CD5: variants seen among roughly 807,000 people sequenced by gnomAD.
The protein encoded by CD5 is CD5 molecule, also known as T-cell surface glycoprotein CD5.
A neutral mutation model predicts 60.3 loss-of-function variants in CD5; 36 were observed. The ratio of observed to expected loss-of-function variants is 0.60; its 90% CI spans 0.46 to 0.79. The LOEUF (loss-of-function observed/expected upper bound fraction) is 0.79. Ranked by LOEUF, CD5 falls within the 30% of genes least tolerant of loss-of-function variation. CD5 has a pLI of 0.00. For synonymous variants in CD5, 230 were observed against 257.6 expected (o/e 0.89, Z 1.03); for missense variants, 540 against 630.6 (o/e 0.86, Z 1.54).
At chr11:61,100,799 TCA>T (rs1388348576), upstream of CD5, among the ~76,000 whole-genome samples, 59 of 77,034 alleles carry the variant, frequency 7.7e-4, 1 homozygote, top group African/African-American at 2.9e-3. Context: ...AACATGGAGA[TCA>T]CACACACACA....
chr11:61,111,195 G>A (rs778168877), intron 1 of CD5, among the ~76,000 whole-genome samples: 4 of 152,118 alleles, frequency 2.6e-5, no homozygotes, highest in Non-Finnish European at 4.4e-5. Context: ...CTGCACGAGC[G>A]CTTCCAGGTC....
At position 61,124,972 on chromosome 11, in the gene CD5, T is replaced by C. The variant is rs202236597; in HGVS notation, c.1280-60T>C. The C allele has an allele frequency of 1.4e-5, 23 of 1,609,056 alleles. No homozygotes were observed. In the Middle Eastern group the frequency reaches 4.9e-4, roughly 35 times the overall value. On this transcript the variant is annotated intron_variant, in intron 8 of 10. Transcript: ENST00000347785. Reference sequence around the variant, plus strand: ...GGAGATTAAAGTTCTGGGCACCTGCTGGGGAAGGAGACGGAGGACACAGCC... The same window carrying C: ...GGAGATTAAAGTTCTGGGCACCTGCCGGGGAAGGAGACGGAGGACACAGCC...
At chr11:61,110,143 T>C (rs961282117) in intron 1 of CD5, among the ~76,000 whole-genome samples, 8 of 151,772 alleles carry the variant, frequency 5.3e-5, no homozygotes, top group Non-Finnish European at 8.8e-5. Flanking sequence ...AACTAAAAAA[T>C]AGAAATAGGT....
At chr11:61,099,235 A>C (rs143660427), upstream of CD5, among the ~76,000 whole-genome samples, 154 of 152,232 alleles carry the variant, frequency 1.0e-3, 1 homozygote, top group African/African-American at 3.4e-3. Flanking sequence ...GATCACACAC[A>C]TCAACATGGA....
intron 1 of CD5, among the ~76,000 whole-genome samples, chr11:61,114,287 A>T: frequency 6.6e-6 from 1 of 151,668 alleles, no homozygotes. Context: ...TCTCTATTCT[A>T]CTCCATTTCA....
intron 1 of CD5, among the ~76,000 whole-genome samples, chr11:61,112,255 G>T (rs1177765524): frequency 6.6e-6 from 1 of 152,168 alleles, no homozygotes; most frequent in Non-Finnish European, 1.5e-5. Context: ...AGGAGTGAGA[G>T]GTGAGGGCAG....
chr11:61,119,253 G>A lies in CD5; in HGVS notation c.483G>A (p.Leu161=). The change falls in exon 5 of 11, where the codon CTG becomes CTA. Residue 161 remains leucine, a synonymous_variant. Transcript: ENST00000347785. ...PEPTAPPRLQ[L]VAQSGGQHCA... ...TCCTAGCTCCTCCCAGGCTGCAGCT[G>A]GTGGCACAGTCTGGCGGCCAGCACT... 6.2e-7 allele frequency: 1 copy of A among 1,606,566 alleles called. No individual in the cohort carries two copies. Among genetic ancestry groups the A allele is most frequent in the Non-Finnish European group, 8.5e-7 (1 of 1,175,770 alleles).
At position 61,119,444 on chromosome 11, in the gene CD5, G is replaced by T. The variant is rs752604676; in HGVS notation, c.674G>T (p.Gly225Val). 7 of 1,614,090 alleles carry T rather than the reference G, an allele frequency of 4.3e-6. No homozygotes were observed. The highest frequency in any genetic ancestry group is 3.4e-6 in the Non-Finnish European group (4 of 1,180,046). The change falls in exon 5 of 11, where the codon GGG becomes GTG. Residue 225 changes from glycine to valine, a missense_variant. Coordinates refer to ENST00000347785, the MANE Select transcript of CD5 (RefSeq NM_014207.4). ...GAGGCAGGCAGAGCCCAAGACCCAG[G>T]GGAGCCACGGGAACACCAGCCCTTG... is the stretch of plus-strand genomic sequence containing the variant. ...ETEAGRAQDPGEPREHQPLPI... is the reference protein window; with the variant it reads ...ETEAGRAQDPVEPREHQPLPI...
chr11:61,115,335 T>C (rs1413595287), intron 2 of CD5, among the ~76,000 whole-genome samples: 1 of 152,102 alleles, frequency 6.6e-6, no homozygotes, highest in Non-Finnish European at 1.5e-5. Context: ...CCAGATCTCA[T>C]GATAATTATT....
intron 1 of CD5, among the ~76,000 whole-genome samples, chr11:61,114,215 G>A (rs1306001774): frequency 1.3e-5 from 2 of 151,992 alleles, no homozygotes; most frequent in Non-Finnish European, 2.9e-5. Context: ...GGGCTCAAGC[G>A]GTCCTCCCAC....
chr11:61,115,358 C>T (rs1399139647), intron 2 of CD5, among the ~76,000 whole-genome samples: 1 of 152,182 alleles, frequency 6.6e-6, no homozygotes, highest in Non-Finnish European at 1.5e-5. Flanking sequence ...GACCCGCTCA[C>T]CATGCACAGA....
chr11:61,113,205 A>G (rs1860884146), intron 1 of CD5, among the ~76,000 whole-genome samples: 1 of 152,250 alleles, frequency 6.6e-6, no homozygotes, highest in African/African-American at 2.4e-5. Flanking sequence ...AGTCGGACAG[A>G]TGGAAATCAA....
chr11:61,112,500 C>T (rs1319548130), intron 1 of CD5, among the ~76,000 whole-genome samples: 3 of 152,030 alleles, frequency 2.0e-5, no homozygotes, highest in Non-Finnish European at 4.4e-5. Context: ...AAAAATTAGT[C>T]GGGCGTGGTG....
intron 8 of CD5, 66 bp from the exon 9 acceptor site, chr11:61,124,966 A>C (rs1175033861): frequency 6.2e-7 from 1 of 1,604,948 alleles, no homozygotes; most frequent in Non-Finnish European, 8.5e-7. Context: ...AGTTCTGGGC[A>C]CCTGCTGGGG....
intron 1 of CD5, among the ~76,000 whole-genome samples, chr11:61,111,771 C>T (rs985843055): frequency 5.3e-5 from 8 of 152,208 alleles, no homozygotes; most frequent in African/African-American, 1.7e-4. Flanking sequence ...GAAAGCTCCC[C>T]GAGGGTCTGC....
chr11:61,098,647 C>G (rs760091320), upstream of CD5, among the ~76,000 whole-genome samples: 4 of 152,156 alleles, frequency 2.6e-5, no homozygotes, highest in Admixed American at 2.0e-4. Flanking sequence ...TCATGTACCC[C>G]CTGCTTGCTC....
rs1861126768 is a variant in CD5, at chr11:61,125,082, C to T, written c.1330C>T (p.Pro444Ser). ...TATVRSHAEN[P>S]TASHVDNEYS... ...AACCGTCCGATCCCATGCTGAGAACCCCACAGCCTCCCACGTGGATAACGA... is the reference window on the plus strand; with the variant it reads ...AACCGTCCGATCCCATGCTGAGAACTCCACAGCCTCCCACGTGGATAACGA... The change falls in exon 9 of 11, where the codon CCC becomes TCC. Residue 444 changes from proline (P) to serine (S), a missense_variant. Pro to Ser is a moderately conservative substitution (Grantham distance 74, BLOSUM62 -1). Coordinates refer to ENST00000347785, the MANE Select transcript of CD5 (RefSeq NM_014207.4). The T allele has an allele frequency of 6.2e-6, 10 of 1,613,848 alleles. No homozygotes were observed. Among genetic ancestry groups the T allele is most frequent in the Non-Finnish European group, 8.5e-6 (10 of 1,179,848 alleles).
Position 61,118,151 on chromosome 11 carries a change from C to CCA in CD5, c.95-22_95-21dup. On this transcript the variant is annotated intron_variant, in intron 2 of 10. Transcript: ENST00000347785. This position sits in a 1 kb window ranked among gnomAD's most constrained non-coding sequence, Gnocchi z 4.7. ...TGGGGAACCCCTCCCAGCCTGACCC[C>CCA]CACCACACCTTTCTGACCCCCAGAT... 3.1e-6 allele frequency: 5 copies of CCA among 1,606,818 alleles called. No individual in the cohort carries two copies. Among genetic ancestry groups the CCA allele is most frequent in the Non-Finnish European group, 4.3e-6 (5 of 1,175,550 alleles).
chr11:61,121,755 G>A lies in CD5; in HGVS notation c.950G>A (p.Arg317Gln), dbSNP rs774296699. Reference sequence around the variant, plus strand: ...TCGCTGCGGTGGGAGGAGGTGTGCCGGGAGCAGCAGTGTGGCAGCGTCAAC... The same window carrying A: ...TCGCTGCGGTGGGAGGAGGTGTGCCAGGAGCAGCAGTGTGGCAGCGTCAAC... ...RSSLRWEEVCREQQCGSVNSY... is the reference protein window; with the variant it reads ...RSSLRWEEVCQEQQCGSVNSY... The change falls in exon 6 of 11, where the codon CGG becomes CAG. Residue 317 changes from arginine to glutamine, a missense_variant. Coordinates refer to ENST00000347785, the MANE Select transcript of CD5 (RefSeq NM_014207.4). 100 of 1,611,902 alleles carry A rather than the reference G, an allele frequency of 6.2e-5. No individual in the cohort carries two copies. The highest frequency in any genetic ancestry group is 7.5e-5 in the Non-Finnish European group (88 of 1,178,620).
Sources: gnomAD v4.1 joint callset for allele counts (sites outside exome capture counted in the v4.1 genomes callset) on GRCh38, gnomAD v4.1.1 for gene constraint, Gnocchi (gnomAD v3.1) non-coding constraint, MANE v1.5 for transcripts, NCBI Gene and HGNC (gene_info 2026-07-23, HGNC 2026-07-21) for gene names.